THSD4: variants seen among roughly 807,000 people sequenced by gnomAD.
The protein encoded by THSD4 is thrombospondin type 1 domain containing 4.
In THSD4, 69 loss-of-function variants were observed where a neutral mutation model predicts 119.0. That is an observed-to-expected ratio of 0.58 (90% CI 0.48 to 0.71). THSD4 has a LOEUF of 0.71. THSD4 is among the 30% of genes least tolerant of loss of function. The pLI is 0.00. For synonymous variants in THSD4, 524 were observed against 540.4 expected, an observed-to-expected ratio of 0.97 and a Z score of 0.42; for missense variants, 1,393 against 1,391.1, an observed-to-expected ratio of 1.00 and a Z score of -0.02.
At chr15:71,601,454 T>C (rs1489033355) in intron 7 of THSD4, among the ~76,000 whole-genome samples, 1 of 152,198 alleles carries the variant, frequency 6.6e-6, no homozygotes, top group Non-Finnish European at 1.5e-5. Flanking sequence ...TGGGTGAGCA[T>C]GTCCAGGCTG....
At chr15:71,705,694 T>C (rs988793514) in intron 8 of THSD4, among the ~76,000 whole-genome samples, 3 of 152,264 alleles carry the variant, frequency 2.0e-5, no homozygotes, top group African/African-American at 7.2e-5. Flanking sequence ...TTTTCATCAG[T>C]GGGGAAGATT....
intron 11 of THSD4, among the ~76,000 whole-genome samples, chr15:71,739,986 T>C (rs1248250945): frequency 7.2e-5 from 11 of 152,210 alleles, no homozygotes; most frequent in Admixed American, 7.2e-4. Context: ...TAGTGGCTTT[T>C]GAGAATAGAA....
rs181014989 is a variant in THSD4, at chr15:71,483,015, G to A, written c.1152+71192G>A. On this transcript the variant is annotated intron_variant, in intron 7 of 17. Transcript: ENST00000261862. Reference sequence around the variant, plus strand: ...CCATCCCAGCTATGAAGGAGACTAGGAAAGTGAGTATTTTTTTAAAGACAA... The same window carrying A: ...CCATCCCAGCTATGAAGGAGACTAGAAAAGTGAGTATTTTTTTAAAGACAA... Among the ~76,000 whole-genome samples the A allele has an allele frequency of 4.0e-4, 61 of 152,280 alleles. 1 individual carries two copies. The highest frequency in any genetic ancestry group is 1.5e-3 in the African/African-American group (61 of 41,544).
At chr15:71,528,387 G>T (rs2140805535) in intron 7 of THSD4, among the ~76,000 whole-genome samples, 1 of 152,244 alleles carries the variant, frequency 6.6e-6, no homozygotes, top group Non-Finnish European at 1.5e-5. Context: ...AACCCACAGT[G>T]GCAGCCAGCA....
chr15:71,154,543 G>A (rs2141383204), intron 2 of THSD4, among the ~76,000 whole-genome samples: 1 of 152,316 alleles, frequency 6.6e-6, no homozygotes, highest in African/African-American at 2.4e-5. Flanking sequence ...AAACCTCTAA[G>A]CCAGTTCCCG....
intron 7 of THSD4, among the ~76,000 whole-genome samples, chr15:71,592,459 G>A (rs1017135666): frequency 1.3e-5 from 2 of 152,096 alleles, no homozygotes; most frequent in South Asian, 2.1e-4. Context: ...CTGTTTGCCC[G>A]GCATGACAAG....
At chr15:71,415,890 A>G (rs910869356) in intron 7 of THSD4, among the ~76,000 whole-genome samples, 15 of 152,132 alleles carry the variant, frequency 9.9e-5, no homozygotes, top group Non-Finnish European at 1.8e-4. Flanking sequence ...CCCGCCTCCC[A>G]GGTTCAAGCC....
At chr15:71,673,409 A>G (rs928651548) in intron 8 of THSD4, among the ~76,000 whole-genome samples, 1 of 152,134 alleles carries the variant, frequency 6.6e-6, no homozygotes, top group African/African-American at 2.4e-5. Flanking sequence ...CTAACGATCT[A>G]ACAATTTTAT....
intron 7 of THSD4, among the ~76,000 whole-genome samples, chr15:71,653,286 T>G (rs1033276110): frequency 1.1e-4 from 17 of 152,246 alleles, no homozygotes; most frequent in Non-Finnish European, 2.5e-4. Flanking sequence ...GCTTATTAGC[T>G]TCTCTGACAT....
In THSD4 at chr15:71,555,949, T is replaced by A. The variant is rs569753435; in HGVS notation, c.1153-104581T>A. ...AATTTCCAGGGCCATTTCTTTTCAG[T>A]ACCAAGTTTCCATATATATGTCTAT... On this transcript the variant is annotated intron_variant, in intron 7 of 17. Transcript: ENST00000261862. Among the ~76,000 whole-genome samples the A allele has an allele frequency of 9.2e-5, 14 of 152,312 alleles. No individual in the cohort carries two copies. In the South Asian group the frequency reaches 2.7e-3, roughly 29 times the overall value.
intron 6 of THSD4, among the ~76,000 whole-genome samples, chr15:71,319,889 C>CA (rs1288263009): frequency 1.3e-5 from 2 of 152,136 alleles, no homozygotes; most frequent in African/African-American, 4.8e-5. Context: ...CAAAGGTAAG[C>CA]AAATTCTTTA....
chr15:71,372,263 C>T (rs1002418802), intron 6 of THSD4, among the ~76,000 whole-genome samples: 2 of 152,230 alleles, frequency 1.3e-5, no homozygotes, highest in Non-Finnish European at 2.9e-5. Flanking sequence ...TCGTCTGAAG[C>T]CTTCTTCTCT....
chr15:71,439,538 A>G (rs550394220), intron 7 of THSD4, among the ~76,000 whole-genome samples: 8 of 152,236 alleles, frequency 5.3e-5, no homozygotes, highest in Non-Finnish European at 2.9e-5. Context: ...AGGATTATAA[A>G]TCATTCTATA....
intron 7 of THSD4, among the ~76,000 whole-genome samples, chr15:71,506,922 G>C (rs957731625): frequency 1.3e-5 from 2 of 152,192 alleles, no homozygotes; most frequent in Admixed American, 6.5e-5. Context: ...AAGTTAGTTT[G>C]GTTCATCTGT....
intron 2 of THSD4, among the ~76,000 whole-genome samples, chr15:71,152,314 G>A (rs2040730020): frequency 6.6e-6 from 1 of 151,798 alleles, no homozygotes; most frequent in Non-Finnish European, 1.5e-5. Flanking sequence ...TCCAGCTACT[G>A]GGGAGGCTGA....
At chr15:71,165,966 T>G (rs1333238645) in intron 3 of THSD4, among the ~76,000 whole-genome samples, 1 of 152,092 alleles carries the variant, frequency 6.6e-6, no homozygotes, top group Non-Finnish European at 1.5e-5. Flanking sequence ...TATGTGGTGC[T>G]CTCTCTGTAG....
At chr15:71,209,767 A>G (rs1596270510) in intron 3 of THSD4, among the ~76,000 whole-genome samples, 1 of 152,102 alleles carries the variant, frequency 6.6e-6, no homozygotes, top group South Asian at 2.1e-4. Context: ...CACAATTCCC[A>G]TGTGTTGTGG....
chr15:71,580,909 G>GTT (rs1343848429), intron 7 of THSD4, among the ~76,000 whole-genome samples: 2 of 151,686 alleles, frequency 1.3e-5, no homozygotes, highest in Non-Finnish European at 2.9e-5. Context: ...ATATGTGTGT[G>GTT]TTATATATAT....
At chr15:71,409,557 C>G (rs896632469) in intron 6 of THSD4, among the ~76,000 whole-genome samples, 1 of 152,074 alleles carries the variant, frequency 6.6e-6, no homozygotes, top group Non-Finnish European at 1.5e-5. Flanking sequence ...ATTTTTTCCC[C>G]CAAATCACCT....
Sources: allele counts gnomAD v4.1 joint callset (sites outside exome capture counted in the v4.1 genomes callset), GRCh38; gene constraint gnomAD v4.1.1; transcripts MANE v1.5; gene names NCBI Gene and HGNC (gene_info 2026-07-23, HGNC 2026-07-21).